The following CDH13 variants were observed in gnomAD, a reference collection of about 807,000 sequenced individuals.
CDH13 encodes the protein cadherin 13.
Under a neutral mutation model 63.8 loss-of-function variants are expected in CDH13, and 24 were observed. The observed-to-expected ratio is 0.38, with a 90% CI of 0.27 to 0.53. CDH13 has a LOEUF of 0.53. Among genes scored for constraint, CDH13 ranks in the 20% least tolerant of loss-of-function variants. The probability of loss-of-function intolerance (pLI) is 0.85; values close to 1 mark genes in which losing one functional copy is unlikely to be tolerated. For synonymous variants in CDH13, 503 were observed against 355.3 expected, an observed-to-expected ratio of 1.42 and a Z score of -4.67; for missense variants, 1,049 against 903.1, an observed-to-expected ratio of 1.16 and a Z score of -2.07.
intron 7 of CDH13, among the ~76,000 whole-genome samples, chr16:83,600,022 C>A (rs1907630511): frequency 1.3e-5 from 2 of 152,134 alleles, no homozygotes; most frequent in South Asian, 4.1e-4. Flanking sequence ...AAAGCCACTT[C>A]CATTAGGCTC....
At chr16:83,094,370 G>T (rs1010170009) in intron 3 of CDH13, among the ~76,000 whole-genome samples, 16 of 152,342 alleles carry the variant, frequency 1.1e-4, no homozygotes, top group African/African-American at 3.8e-4. Flanking sequence ...ACGCCTGAAA[G>T]ATGCAAGGTT....
chr16:82,708,274 A>C (rs368579109), intron 1 of CDH13, among the ~76,000 whole-genome samples: 1 of 152,204 alleles, frequency 6.6e-6, no homozygotes, highest in African/African-American at 2.4e-5. Context: ...CATGGCTTGC[A>C]TTCTTCTGCT....
At chr16:83,234,839 G>C (rs556453638) in intron 5 of CDH13, among the ~76,000 whole-genome samples, 15 of 152,188 alleles carry the variant, frequency 9.9e-5, no homozygotes, top group Non-Finnish European at 1.9e-4. Context: ...GATAGTGAAA[G>C]AACCAAATGA....
At chr16:82,840,783 A>G (rs1018093568) in intron 1 of CDH13, among the ~76,000 whole-genome samples, 2 of 151,938 alleles carry the variant, frequency 1.3e-5, no homozygotes, top group African/African-American at 2.4e-5. Flanking sequence ...TGCTTTAAGG[A>G]GATACTGGAG....
intron 5 of CDH13, among the ~76,000 whole-genome samples, chr16:83,269,932 C>T (rs920785110): frequency 7.9e-5 from 12 of 152,112 alleles, no homozygotes; most frequent in Admixed American, 5.2e-4. Flanking sequence ...GAATTGATTG[C>T]GGCTAGATTT....
At position 82,731,811 on chromosome 16, in the gene CDH13, A is replaced by G. The variant is rs934407339; in HGVS notation, c.45+104674A>G. ...TTATGTGTTACTTATCTTTGATATCAGTGAAATACATAATCAACATATATG... is the reference window on the plus strand; with the variant it reads ...TTATGTGTTACTTATCTTTGATATCGGTGAAATACATAATCAACATATATG... On this transcript the variant is annotated intron_variant, in intron 1 of 13. Transcript: ENST00000567109. 1.8e-4 allele frequency among the ~76,000 whole-genome samples: 28 copies of G among 152,234 alleles called. 1 individual carries two copies. The highest frequency in any genetic ancestry group is 1.8e-3 in the Admixed American group (28 of 15,282).
chr16:83,437,512 C>A (rs1042986917), intron 6 of CDH13, among the ~76,000 whole-genome samples: 2 of 151,910 alleles, frequency 1.3e-5, no homozygotes, highest in African/African-American at 4.8e-5. Context: ...CCCGTCTCTA[C>A]TACAAATACA....
At chr16:83,279,399 T>C (rs114464330) in intron 5 of CDH13, among the ~76,000 whole-genome samples, 139 of 152,314 alleles carry the variant, frequency 9.1e-4, no homozygotes, top group African/African-American at 3.2e-3. Context: ...CACAAAGTAA[T>C]TGTTTTACAA....
At chr16:83,003,134 A>G (rs1020761318) in intron 2 of CDH13, among the ~76,000 whole-genome samples, 2 of 152,134 alleles carry the variant, frequency 1.3e-5, no homozygotes, top group African/African-American at 4.8e-5. Flanking sequence ...ACTTATGTAA[A>G]TATTTATCTC....
chr16:83,764,227 T>A (rs1914203240), intron 11 of CDH13, among the ~76,000 whole-genome samples: 1 of 152,156 alleles, frequency 6.6e-6, no homozygotes, highest in Non-Finnish European at 1.5e-5. Context: ...TCTGAGCATT[T>A]TTCTAGGGAA....
At chr16:83,585,433 G>T (rs1357667020) in intron 7 of CDH13, among the ~76,000 whole-genome samples, 1 of 152,154 alleles carries the variant, frequency 6.6e-6, no homozygotes, top group Admixed American at 6.5e-5. Flanking sequence ...GACACGAGGG[G>T]GCCCCAGTTT....
At chr16:83,602,107 CAAAAAAA>C (rs869202510) in intron 7 of CDH13, among the ~76,000 whole-genome samples, 43 of 7,942 alleles carry the variant, frequency 5.4e-3, no homozygotes, top group African/African-American at 0.015. Flanking sequence ...AGAACAACAA[CAAAAAAA>C]AAAAAAAAAA....
At position 83,441,183 on chromosome 16, in the gene CDH13, G is replaced by A. The variant is rs560145402; in HGVS notation, c.782-45294G>A. Among the ~76,000 whole-genome samples the A allele has an allele frequency of 4.6e-5, 7 of 152,298 alleles. No individual in the cohort carries two copies. The East Asian group carries it at 1.4e-3, about 29-fold the overall frequency. On this transcript the variant is annotated intron_variant, in intron 6 of 13. Transcript: ENST00000567109. ...GTAGTCATCTGGTCGACTGTGGATG[G>A]ATCTTCCAGAGACTCCTCTCGCCTG...
At chr16:83,547,197 C>G (rs2075401453) in intron 7 of CDH13, among the ~76,000 whole-genome samples, 1 of 152,166 alleles carries the variant, frequency 6.6e-6, no homozygotes, top group Admixed American at 6.5e-5. Context: ...ATGGTAAAAG[C>G]TAAGAAGGAA....
chr16:83,131,786 C>G (rs190978847), intron 4 of CDH13, among the ~76,000 whole-genome samples: 1 of 152,110 alleles, frequency 6.6e-6, no homozygotes, highest in Non-Finnish European at 1.5e-5. Flanking sequence ...TTTAAAGACC[C>G]TATAAATTGG....
At chr16:82,701,646 T>G (rs955336055) in intron 1 of CDH13, among the ~76,000 whole-genome samples, 1 of 152,126 alleles carries the variant, frequency 6.6e-6, no homozygotes, top group Non-Finnish European at 1.5e-5. Context: ...ACATGTCTCA[T>G]TGTGGTGATA....
At chr16:83,484,131 T>C (rs1219755436) in intron 6 of CDH13, among the ~76,000 whole-genome samples, 2 of 152,196 alleles carry the variant, frequency 1.3e-5, no homozygotes, top group Admixed American at 6.5e-5. Flanking sequence ...CAGATCTTCG[T>C]TGTTTATCTG....
intron 8 of CDH13, among the ~76,000 whole-genome samples, chr16:83,635,690 T>TA (rs1288573189): frequency 6.6e-6 from 1 of 152,202 alleles, no homozygotes; most frequent in Admixed American, 6.5e-5. Flanking sequence ...GAGTCTTTTA[T>TA]GTAGTCTATA....
intron 5 of CDH13, among the ~76,000 whole-genome samples, chr16:83,269,591 C>G (rs1200301967): frequency 6.6e-6 from 1 of 152,156 alleles, no homozygotes; most frequent in Non-Finnish European, 1.5e-5. Context: ...TCTGGGATCA[C>G]TCCACCCCAA....
Sources: gnomAD v4.1 joint callset for allele counts (sites outside exome capture counted in the v4.1 genomes callset) on GRCh38, gnomAD v4.1.1 for gene constraint, MANE v1.5 for transcripts, NCBI Gene and HGNC (gene_info 2026-07-23, HGNC 2026-07-21) for gene names.